The following CELF1 variants were observed in gnomAD, a reference collection of about 807,000 sequenced individuals.
CELF1 encodes 50 kDa nuclear polyadenylated RNA-binding protein.
In CELF1, 10 loss-of-function variants were observed where a neutral mutation model predicts 61.8. The observed-to-expected ratio is 0.16, with a 90% CI of 0.10 to 0.27. CELF1 has a LOEUF of 0.27. Ranked by LOEUF, CELF1 falls within the 10% of genes least tolerant of loss-of-function variation. The probability of loss-of-function intolerance (pLI) is 1.00; values close to 1 mark genes in which losing one functional copy is unlikely to be tolerated. For synonymous variants in CELF1, 236 were observed against 225.1 expected, an observed-to-expected ratio of 1.05 and a Z score of -0.43; for missense variants, 380 against 639.1, an observed-to-expected ratio of 0.59 and a Z score of 4.37.
rs543377292 is a variant in CELF1, at chr11:47,488,801, G to C, written c.259+36C>G. ...CCCTCACCTGCTCTGAGAGTCAGTG[G>C]AAAAAATAAGATAAACCAAAACCCA... On this transcript the variant is annotated intron_variant, in intron 4 of 14. Transcript: ENST00000687097. 8 of 1,390,240 alleles carry C rather than the reference G, an allele frequency of 5.8e-6. No homozygotes were observed. In the African/African-American group the frequency reaches 7.4e-5, roughly 13 times the overall value. The allele number at this position is 1,390,240 out of a possible 1,614,324, so 86.1% of individuals were successfully genotyped here.
At chr11:47,483,943 T>C (rs1231848745) in intron 7 of CELF1, among the ~76,000 whole-genome samples, 2 of 152,032 alleles carry the variant, frequency 1.3e-5, no homozygotes, top group Non-Finnish European at 2.9e-5. Flanking sequence ...AGACAGGACA[T>C]AGATATACAG....
rs762968324 is a variant in CELF1, at chr11:47,488,996, G to T, written c.100C>A (p.His34Asn). 3 of 1,597,412 alleles carry T rather than the reference G, an allele frequency of 1.9e-6. No individual in the cohort carries two copies. The Admixed American group carries it at 5.5e-5, about 29-fold the overall frequency. Residue 34 changes from histidine to asparagine, a missense_variant, in exon 4 of 15, where the codon CAC becomes AAC. By Grantham distance (68) the His-to-Asn change is moderately conservative. Coordinates refer to ENST00000687097, the MANE Select transcript of CELF1 (RefSeq NM_001376376.1). ...GCATCAAGATCTGGTTGGTCTGGGT[G>T]GTCCAGGGTGCCGTTCATTTTCTTT... is the stretch of plus-strand genomic sequence containing the variant. Reference protein sequence around the residue: ...VSKKMNGTLDHPDQPDLDAIK... With the variant: ...VSKKMNGTLDNPDQPDLDAIK...
intron 1 of CELF1, among the ~76,000 whole-genome samples, chr11:47,527,282 T>C (rs1028424301): frequency 6.6e-6 from 1 of 152,132 alleles, no homozygotes; most frequent in South Asian, 2.1e-4. Flanking sequence ...TCCCAACTAC[T>C]CAGGGGGCTG....
intron 1 of CELF1, among the ~76,000 whole-genome samples, chr11:47,542,010 G>A (rs2096819542): frequency 6.6e-6 from 1 of 152,036 alleles, no homozygotes. Flanking sequence ...ACTCCATTTT[G>A]TCAAAGCTGA....
chr11:47,483,780 A>C (rs2084915393), intron 7 of CELF1, among the ~76,000 whole-genome samples: 1 of 152,224 alleles, frequency 6.6e-6, no homozygotes, highest in Non-Finnish European at 1.5e-5. Context: ...CTTGAAAATA[A>C]AAGAAAATGG....
intron 1 of CELF1, chr11:47,514,782 C>T (rs897413408): frequency 3.3e-5 from 5 of 152,210 alleles, no homozygotes; most frequent in African/African-American, 1.2e-4. Context: ...TGCTTGAGTC[C>T]AGAAATTTGA....
intron 1 of CELF1, among the ~76,000 whole-genome samples, chr11:47,549,673 G>T (rs981751729): frequency 6.6e-6 from 1 of 152,140 alleles, no homozygotes; most frequent in Non-Finnish European, 1.5e-5. Context: ...GTAGGAGGGG[G>T]AAAAGGGGAG....
chr11:47,487,805 A>G (rs992999680), intron 4 of CELF1, among the ~76,000 whole-genome samples: 2 of 152,338 alleles, frequency 1.3e-5, no homozygotes, highest in South Asian at 2.1e-4. Flanking sequence ...TTAAGCTTCT[A>G]AAAGCACATG....
chr11:47,562,456 G>A (rs184479251), intron 2 of CELF1, among the ~76,000 whole-genome samples: 1 of 144,478 alleles, frequency 6.9e-6, no homozygotes, highest in African/African-American at 2.6e-5. Flanking sequence ...TTGAGCCCAG[G>A]AGGTAGAGGT....
intron 3 of CELF1, chr11:47,494,512 T>C: frequency 2.0e-6 from 2 of 980,682 alleles, no homozygotes; most frequent in Middle Eastern, 5.3e-4. Context: ...AGCTGTTATT[T>C]TCAAAGTATG....
At chr11:47,512,559 C>T (rs1172151312) in intron 1 of CELF1, among the ~76,000 whole-genome samples, 15 of 150,438 alleles carry the variant, frequency 1.0e-4, no homozygotes, top group Admixed American at 6.7e-4. Context: ...AGGGTGGTCT[C>T]GAACTCCTGA....
In CELF1 at chr11:47,472,255, G is replaced by A. The variant is rs763563976; in HGVS notation, c.1520C>T (p.Ser507Leu). Residue 507 changes from serine to leucine, a missense_variant, in exon 15 of 15, where the codon TCG becomes TTG. Transcript: ENST00000687097. Reference sequence around the variant, plus strand: ...TCAGTAGGGCTTGCTGTCATTCTTCGAACGTTTGAGCTGCACTTTAAGCCG... The same window carrying A: ...TCAGTAGGGCTTGCTGTCATTCTTCAAACGTTTGAGCTGCACTTTAAGCCG... Reference protein sequence around the residue: ...MKRLKVQLKRSKNDSKPY With the variant: ...MKRLKVQLKRLKNDSKPY The A allele has an allele frequency of 2.5e-6, 4 of 1,614,084 alleles. No individual in the cohort carries two copies. Among genetic ancestry groups the A allele is most frequent in the South Asian group, 1.1e-5 (1 of 91,074 alleles).
rs902215160 is a variant in CELF1, at chr11:47,470,687, G to GT, written c.*1542dup. 6.6e-6 allele frequency: 1 copy of GT among 152,144 alleles called. No individual in the cohort carries two copies. Among genetic ancestry groups the GT allele is most frequent in the African/African-American group, 2.4e-5 (1 of 41,420 alleles). The allele number at this position is 152,144 out of a possible 1,614,324, so 9.4% of individuals were successfully genotyped here. ...TCTCTGCTGCTAGGGGTCAAGACTG[G>GT]TATTTGTTGAGGTTTCAGATTCCAG... On this transcript the variant is annotated 3_prime_UTR_variant, in exon 15 of 15. Transcript: ENST00000687097.
At chr11:47,515,548 G>A (rs145385367) in intron 1 of CELF1, among the ~76,000 whole-genome samples, 201 of 152,244 alleles carry the variant, frequency 1.3e-3, no homozygotes, top group African/African-American at 4.7e-3. Flanking sequence ...AGCTCATCAG[G>A]GCTGCACCAT....
At position 47,523,079 on chromosome 11, in the gene CELF1, A is replaced by T. The variant is rs148340312; in HGVS notation, c.-153-22147T>A. On this transcript the variant is annotated intron_variant, in intron 1 of 14. Transcript: ENST00000687097. Reference sequence around the variant, plus strand: ...CTTATTTATGTATAAACATTTATTCATTCCTTCCATCAAACCAAAAAAAAA... The same window carrying T: ...CTTATTTATGTATAAACATTTATTCTTTCCTTCCATCAAACCAAAAAAAAA... Among the ~76,000 whole-genome samples, 2 of 152,242 alleles carry T rather than the reference A, an allele frequency of 1.3e-5. 1 individual carries two copies. Among genetic ancestry groups the T allele is most frequent in the East Asian group, 3.9e-4 (2 of 5,184 alleles).
chr11:47,508,301 T>C (rs991070790), intron 1 of CELF1, among the ~76,000 whole-genome samples: 10 of 152,176 alleles, frequency 6.6e-5, no homozygotes, highest in African/African-American at 2.4e-4. Flanking sequence ...AAATTTTATG[T>C]GGAACACAGT....
At chr11:47,496,984 G>A (rs192853721) in intron 3 of CELF1, among the ~76,000 whole-genome samples, 1 of 152,300 alleles carries the variant, frequency 6.6e-6, no homozygotes, top group African/African-American at 2.4e-5. Context: ...GAAGGCTCTT[G>A]CATAAACTAG....
chr11:47,498,932 C>T lies in CELF1; in HGVS notation c.71+521G>A, dbSNP rs184347780. 1.6e-3 allele frequency among the ~76,000 whole-genome samples: 230 copies of T among 142,084 alleles called. 6 individuals carry two copies. Among genetic ancestry groups the T allele is most frequent in the Admixed American group, 0.016 (221 of 13,732 alleles). The allele number at this position is 142,084 out of a possible 152,430, so 93.2% of individuals were successfully genotyped here. Reference sequence around the variant, plus strand: ...GAGCTGTATTTTCAATTAGACTCGGCGGGGGTGGGGGGAATCAAGGTCCAG... The same window carrying T: ...GAGCTGTATTTTCAATTAGACTCGGTGGGGGTGGGGGGAATCAAGGTCCAG... On this transcript the variant is annotated intron_variant, in intron 3 of 14. Coordinates refer to ENST00000687097, the MANE Select transcript of CELF1 (RefSeq NM_001376376.1).
chr11:47,491,291 T>A (rs1204887070), intron 3 of CELF1, among the ~76,000 whole-genome samples: 1 of 151,954 alleles, frequency 6.6e-6, no homozygotes, highest in Non-Finnish European at 1.5e-5. Context: ...GCCTCCTGAG[T>A]AGCTGGGATT....
Sources: gnomAD v4.1 joint callset for allele counts (sites outside exome capture counted in the v4.1 genomes callset) on GRCh38, gnomAD v4.1.1 for gene constraint, MANE v1.5 for transcripts, NCBI Gene and HGNC (gene_info 2026-07-23, HGNC 2026-07-21) for gene names.